Variants in IFT172 observed in about 807,000 individuals in gnomAD.
IFT172 encodes the protein intraflagellar transport 172.
IFT172 carries 164 observed loss-of-function variants against 248.9 expected under a neutral mutation model. That is an observed-to-expected ratio of 0.66 (90% CI 0.58 to 0.75). The LOEUF is 0.75. Among genes scored for constraint, IFT172 ranks in the 30% least tolerant of loss-of-function variants. The pLI is 0.00. For missense variants in IFT172, 1,950 were observed against 2,192.4 expected (o/e 0.89, Z 2.21); for synonymous variants, 729 against 791.6 (o/e 0.92, Z 1.33).
chr2:27,473,225 C>T (rs1667703804), intron 14 of IFT172, among the ~76,000 whole-genome samples: 1 of 150,668 alleles, frequency 6.6e-6, no homozygotes, highest in Non-Finnish European at 1.5e-5. Flanking sequence ...AAAAAATTAG[C>T]TGGGCGTGGT....
In IFT172 at chr2:27,484,114, T is replaced by C. The variant is rs1668578343; in HGVS notation, c.336+113A>G. The C allele has an allele frequency of 1.8e-5, 27 of 1,463,140 alleles. 1 individual carries two copies. In the South Asian group the frequency reaches 3.1e-4, roughly 17 times the overall value. The allele number at this position is 1,463,140 out of a possible 1,614,324, so 90.6% of individuals were successfully genotyped here. A position where few individuals can be genotyped will look rare whatever the true frequency, so the allele number is the denominator to read the frequency against. On this transcript the variant is annotated intron_variant, in intron 4 of 47. Transcript: ENST00000260570. ...CAGCCATGAAGCACCATCCTTGCAG[T>C]AGGAAAAGTCACATTCAGATGTTAG...
chr2:27,455,337 C>A, intron 30 of IFT172: 1 of 309,084 alleles, frequency 3.2e-6, no homozygotes. Context: ...AGGAAAATTG[C>A]TGTGAACCTC....
chr2:27,467,613 CAAAAAAAAAAAA>C (rs758559563), intron 16 of IFT172, among the ~76,000 whole-genome samples: 1 of 53,134 alleles, frequency 1.9e-5, no homozygotes, highest in Non-Finnish European at 3.3e-5. Context: ...ACCCTGTCTC[CAAAAAAAAAAAA>C]AAAAAAAAAA....
chr2:27,445,222 C>G lies in IFT172; in HGVS notation c.5068+74G>C. 6.3e-7 allele frequency: 1 copy of G among 1,579,718 alleles called. No individual in the cohort carries two copies. Reference sequence around the variant, plus strand: ...TGTCTTTTGTACCCTTTACTGAATCCTAGTAAAATTAAGTTTATTGATCCT... The same window carrying G: ...TGTCTTTTGTACCCTTTACTGAATCGTAGTAAAATTAAGTTTATTGATCCT... On this transcript the variant is annotated intron_variant, in intron 46 of 47. Coordinates refer to ENST00000260570, the MANE Select transcript of IFT172 (RefSeq NM_015662.3). This position sits in a 1 kb window ranked among gnomAD's most constrained non-coding sequence, Gnocchi z 4.4.
intron 29 of IFT172, 27 bp downstream of exon 29, chr2:27,457,611 AT>A: frequency 6.4e-7 from 1 of 1,564,404 alleles, no homozygotes; most frequent in South Asian, 1.1e-5. Context: ...GGATGGATGT[AT>A]CCCTCAGTGT....
chr2:27,477,957 G>A lies in IFT172; in HGVS notation c.1167+38C>T, dbSNP rs147767929. On this transcript the variant is annotated intron_variant, in intron 11 of 47. Coordinates refer to ENST00000260570, the MANE Select transcript of IFT172 (RefSeq NM_015662.3). ...GTCCCCACAAATATTAAGCCAAGATGCCCTATTCCCCACCCTACCCTCAAT... is the reference window on the plus strand; with the variant it reads ...GTCCCCACAAATATTAAGCCAAGATACCCTATTCCCCACCCTACCCTCAAT... The A allele has an allele frequency of 1.6e-4, 258 of 1,611,366 alleles. No homozygotes were observed. The East Asian group carries it at 2.9e-3, about 18-fold the overall frequency.
chr2:27,476,902 A>G lies in IFT172; in HGVS notation c.1326-176T>C, dbSNP rs569756526. ...CAGTGGTGTGATCACGGCTCACTAC[A>G]GCTTTGACTTCCCAGGCTCCGGGTG... On this transcript the variant is annotated intron_variant, in intron 13 of 47. Coordinates refer to ENST00000260570, the MANE Select transcript of IFT172 (RefSeq NM_015662.3). 7 of 599,242 alleles carry G rather than the reference A, an allele frequency of 1.2e-5. No individual in the cohort carries two copies. The South Asian group carries it at 1.5e-4, about 13-fold the overall frequency. The allele number at this position is 599,242 out of a possible 1,614,324, so 37.1% of individuals were successfully genotyped here. A position where few individuals can be genotyped will look rare whatever the true frequency, so the allele number is the denominator to read the frequency against.
chr2:27,484,904 C>T (rs1263730418), intron 3 of IFT172, 114 bp downstream of exon 3: 8 of 705,518 alleles, frequency 1.1e-5, no homozygotes, highest in Non-Finnish European at 1.5e-5. Flanking sequence ...AAGTCTCTGC[C>T]TTCAATGGCC....
At chr2:27,450,931 T>A (rs1262430) in intron 35 of IFT172, among the ~76,000 whole-genome samples, 11 of 149,358 alleles carry the variant, frequency 7.4e-5, no homozygotes, top group African/African-American at 1.5e-4. Flanking sequence ...AAATAAAATA[T>A]ATTACAATTA....
In IFT172 at chr2:27,480,062, G is replaced by C. The variant is rs370330217; in HGVS notation, c.873C>G (p.Ala291=). The C allele has an allele frequency of 6.2e-7, 1 of 1,613,798 alleles. No individual in the cohort carries two copies. The highest frequency in any genetic ancestry group is 8.5e-7 in the Non-Finnish European group (1 of 1,179,884). ...KEITNLYTIT[A]LAWKRDGSRL... ...GTGAGCCATCCCGCTTCCAGGCCAA[G>C]GCAGTGATGGTGTATAAATTGGTAA... The change falls in exon 9 of 48, where the codon GCC becomes GCG. Residue 291 remains alanine (A), a synonymous_variant. Transcript: ENST00000260570.
At position 27,465,762 on chromosome 2, in the gene IFT172, C is replaced by A. The variant is rs1464844246; in HGVS notation, c.1813G>T (p.Asp605Tyr). 1 of 1,614,132 alleles carries A rather than the reference C, an allele frequency of 6.2e-7. No homozygotes were observed. Among genetic ancestry groups the A allele is most frequent in the South Asian group, 1.1e-5 (1 of 91,076 alleles). Residue 605 changes from aspartate (D) to tyrosine (Y), a missense_variant, in exon 17 of 48, where the codon GAT becomes TAT. Asp to Tyr is a radical substitution (Grantham distance 160, BLOSUM62 -3). Around this residue, in one of 3 missense-constraint regions of IFT172, gnomAD observed 1,166 missense variants for 1,254.1 expected, o/e 0.93. Transcript: ENST00000260570. ...GCCTCTCACCGGATGTAGTTGCCAT[C>A]ATCAATGGCTGTTCCAAACTCGATG... ...GLIEFGTAID[D>Y]GNYIRATAFL...
At chr2:27,481,308 G>T in intron 7 of IFT172, 48 bp from the exon 8 acceptor site, 1 of 1,432,678 alleles carries the variant, frequency 7.0e-7, no homozygotes. Context: ...GACTCCACCC[G>T]AGAAATTCCT....
At chr2:27,479,752 G>C (rs913096317) in intron 9 of IFT172, 148 bp from the exon 10 acceptor site, 1 of 712,296 alleles carries the variant, frequency 1.4e-6, no homozygotes, top group African/African-American at 1.8e-5. Flanking sequence ...TTACCAAAAG[G>C]AAAGAGGCTA....
chr2:27,447,354 A>G (rs1665231023), intron 42 of IFT172, among the ~76,000 whole-genome samples, 161 bp downstream of exon 42: 1 of 152,250 alleles, frequency 6.6e-6, no homozygotes, highest in Non-Finnish European at 1.5e-5. Flanking sequence ...AGAAAACCTC[A>G]GCAAGGGCTA....
At chr2:27,468,443 A>G (rs947894002) in intron 16 of IFT172, among the ~76,000 whole-genome samples, 1 of 151,898 alleles carries the variant, frequency 6.6e-6, no homozygotes, top group African/African-American at 2.4e-5. Flanking sequence ...CATGTTAGCC[A>G]GGCTGATCTT....
chr2:27,462,895 TG>T, intron 19 of IFT172, 102 bp from the exon 20 acceptor site: 1 of 1,288,856 alleles, frequency 7.8e-7, no homozygotes, highest in South Asian at 1.2e-5. Flanking sequence ...ACAAAAGACT[TG>T]GGAAGGTAAA....
chr2:27,461,821 C>T lies in IFT172; in HGVS notation c.2131G>A (p.Ala711Thr), dbSNP rs144620711. Residue 711 changes from alanine (A) to threonine (T), a missense_variant, in exon 21 of 48, where the codon GCC becomes ACC. This residue lies in a region of IFT172 where 1,166 missense variants were observed against 1,254.1 expected (regional missense o/e 0.93). Transcript: ENST00000260570. ...IFLEQNAVEE[A>T]MGMYQELHRW... ...TGTAGCTCCTGGTACATGCCCATGG[C>T]CTCCTCCACAGCATTCTAGGGGAAA... The T allele has an allele frequency of 1.6e-5, 26 of 1,614,152 alleles. No individual in the cohort carries two copies. The African/African-American group carries it at 3.1e-4, about 19-fold the overall frequency.
chr2:27,450,592 TTTTA>T (rs1191595060), intron 35 of IFT172, among the ~76,000 whole-genome samples: 1 of 152,166 alleles, frequency 6.6e-6, no homozygotes, highest in African/African-American at 2.4e-5. Context: ...AATGGTAGTA[TTTTA>T]TTTAATTTTT....
Position 27,449,575 on chromosome 2 carries a change from T to A in IFT172, c.4161-13A>T. On this transcript the variant is annotated splice_polypyrimidine_tract_variant and intron_variant, in intron 37 of 47. Coordinates refer to ENST00000260570, the MANE Select transcript of IFT172 (RefSeq NM_015662.3). ...ATAGTCTTCATACCTGTGAAGATGTTCAGAGAGCTCCATCTTCATGTTCCA... is the reference window on the plus strand; with the variant it reads ...ATAGTCTTCATACCTGTGAAGATGTACAGAGAGCTCCATCTTCATGTTCCA... 6.2e-7 allele frequency: 1 copy of A among 1,614,178 alleles called. No individual in the cohort carries two copies. The highest frequency in any genetic ancestry group is 1.3e-5 in the African/African-American group (1 of 75,050).
Sources: gnomAD v4.1 joint callset for allele counts (sites outside exome capture counted in the v4.1 genomes callset) on GRCh38, gnomAD v4.1.1 for gene constraint, gnomAD v4.1.1 regional missense constraint, Gnocchi (gnomAD v3.1) non-coding constraint, MANE v1.5 for transcripts, NCBI Gene and HGNC (gene_info 2026-07-23, HGNC 2026-07-21) for gene names.